SEPTIN9: variants seen among roughly 807,000 people sequenced by gnomAD.
SEPTIN9 encodes septin 9, also known as septin-9.
SEPTIN9 carries 13 observed loss-of-function variants against 56.6 expected under a neutral mutation model. The observed-to-expected ratio is 0.23, with a 90% CI of 0.15 to 0.37. The LOEUF is 0.37. SEPTIN9 is among the 10% of genes least tolerant of loss of function. The pLI is 1.00. For missense variants in SEPTIN9, 650 were observed against 823.1 expected (o/e 0.79, Z 2.57); for synonymous variants, 332 against 334.1 (o/e 0.99, Z 0.07).
chr17:77,460,781 G>T (rs2038436719), intron 3 of SEPTIN9, among the ~76,000 whole-genome samples: 1 of 152,176 alleles, frequency 6.6e-6, no homozygotes, highest in Non-Finnish European at 1.5e-5. Flanking sequence ...TCTTGCATCC[G>T]GGGAGTGGGG....
intron 7 of SEPTIN9, among the ~76,000 whole-genome samples, chr17:77,490,165 G>A (rs994947790): frequency 2.6e-5 from 4 of 152,188 alleles, no homozygotes; most frequent in African/African-American, 9.7e-5. Flanking sequence ...GTGTGTGACC[G>A]ATTTATTCTC....
rs992386162 is a variant in SEPTIN9 at position 77,317,003 on chromosome 17, A to C, written c.76+9806A>C. Among the ~76,000 whole-genome samples, 1 of 152,240 alleles carries C rather than the reference A, an allele frequency of 6.6e-6. No individual in the cohort carries two copies. Among genetic ancestry groups the C allele is most frequent in the African/African-American group, 2.4e-5 (1 of 41,462 alleles). On this transcript the variant is annotated intron_variant, in intron 2 of 11. Transcript: ENST00000427177. The surrounding 1 kb of genome is among the most constrained non-coding windows in gnomAD (Gnocchi z 4.2). ...AAAGGGATTAAAGAAACAAACCAAG[A>C]AACCTCTGCGATTCCTGCCCATCGG...
At chr17:77,419,414 G>A (rs551982171) in intron 3 of SEPTIN9, among the ~76,000 whole-genome samples, 5 of 151,582 alleles carry the variant, frequency 3.3e-5, no homozygotes, top group South Asian at 4.2e-4. Flanking sequence ...GACCCCTCCC[G>A]CTTCCCTAGG....
rs1173028040 is a variant in SEPTIN9 at position 77,429,313 on chromosome 17, T to G, written c.721+26610T>G. Reference sequence around the variant, plus strand: ...CCGTCAGCACGCAGGCCTCCTGCCCTCGCCACGACTGGCTCCTGCAGCCCA... The same window carrying G: ...CCGTCAGCACGCAGGCCTCCTGCCCGCGCCACGACTGGCTCCTGCAGCCCA... On this transcript the variant is annotated intron_variant, in intron 3 of 11. Transcript: ENST00000427177. This position sits in a 1 kb window ranked among gnomAD's most constrained non-coding sequence, Gnocchi z 5.2. 4.3e-6 allele frequency: 2 copies of G among 469,238 alleles called. No individual in the cohort carries two copies. Among genetic ancestry groups the G allele is most frequent in the South Asian group, 3.1e-5 (2 of 64,502 alleles). The allele number at this position is 469,238 out of a possible 1,614,324, so 29.1% of individuals were successfully genotyped here. A position where few individuals can be genotyped will look rare whatever the true frequency, so the allele number is the denominator to read the frequency against.
rs997626311 is a variant in SEPTIN9, at chr17:77,449,196, T to C, written c.722-32948T>C. On this transcript the variant is annotated intron_variant, in intron 3 of 11. Coordinates refer to ENST00000427177, the MANE Select transcript of SEPTIN9 (RefSeq NM_001113491.2). The surrounding 1 kb of genome is among the most constrained non-coding windows in gnomAD (Gnocchi z 4.6). ...GGGCCAGCCGAGAAGGCTCTGGGGCTGCTCTACCTGAATGCTGAGTGTGTG... is the reference window on the plus strand; with the variant it reads ...GGGCCAGCCGAGAAGGCTCTGGGGCCGCTCTACCTGAATGCTGAGTGTGTG... Among the ~76,000 whole-genome samples the C allele has an allele frequency of 2.6e-5, 4 of 152,206 alleles. No individual in the cohort carries two copies. Among genetic ancestry groups the C allele is most frequent in the Non-Finnish European group, 5.9e-5 (4 of 68,042 alleles).
At chr17:77,428,448 ACTTC>A (rs1311407749) in intron 3 of SEPTIN9, among the ~76,000 whole-genome samples, 1 of 152,218 alleles carries the variant, frequency 6.6e-6, no homozygotes, top group African/African-American at 2.4e-5. Context: ...GAGCCTTTCA[ACTTC>A]CTTATCCAGA....
intron 3 of SEPTIN9, among the ~76,000 whole-genome samples, chr17:77,426,313 C>G (rs932139741): frequency 9.2e-5 from 14 of 152,118 alleles, no homozygotes; most frequent in Admixed American, 9.2e-4. Context: ...GGAGTGCTGC[C>G]TGTGATGATG....
In SEPTIN9 at chr17:77,329,531, A is replaced by G. The variant is rs11867528; in HGVS notation, c.76+22334A>G. Reference sequence around the variant, plus strand: ...GGTTTGGATCCTGGGAAGGTTGGGTACCTGGCAGCCTCAAGGCAGGAGCTG... The same window carrying G: ...GGTTTGGATCCTGGGAAGGTTGGGTGCCTGGCAGCCTCAAGGCAGGAGCTG... On this transcript the variant is annotated intron_variant, in intron 2 of 11. Coordinates refer to ENST00000427177, the MANE Select transcript of SEPTIN9 (RefSeq NM_001113491.2). This position sits in a 1 kb window ranked among gnomAD's most constrained non-coding sequence, Gnocchi z 4.3. 0.67 allele frequency among the ~76,000 whole-genome samples: 101,358 copies of G among 151,974 alleles called. 34,110 individuals carry two copies. Among genetic ancestry groups the G allele is most frequent in the East Asian group, 0.79 (4,062 of 5,158 alleles).
intron 10 of SEPTIN9, among the ~76,000 whole-genome samples, chr17:77,493,803 C>T (rs533352407): frequency 7.2e-5 from 10 of 139,450 alleles, no homozygotes; most frequent in African/African-American, 1.4e-4. Flanking sequence ...GACGGAGTCT[C>T]GTTCTGTCAC....
chr17:77,300,090 C>G (rs2143559720), intron 1 of SEPTIN9, among the ~76,000 whole-genome samples: 1 of 152,316 alleles, frequency 6.6e-6, no homozygotes, highest in East Asian at 1.9e-4. Flanking sequence ...GACCTTGACA[C>G]AGGGTGCTGT....
chr17:77,342,987 A>ATCTG lies in SEPTIN9; in HGVS notation c.76+35806_76+35809dup, dbSNP rs1017118260. Among the ~76,000 whole-genome samples, 478 of 131,434 alleles carry ATCTG rather than the reference A, an allele frequency of 3.6e-3. 1 individual carries two copies. Among genetic ancestry groups the ATCTG allele is most frequent in the South Asian group, 0.013 (49 of 3,878 alleles). 86.2% of individuals were successfully genotyped at this position (131,434 alleles called of 152,430 possible). On this transcript the variant is annotated intron_variant, in intron 2 of 11. Coordinates refer to ENST00000427177, the MANE Select transcript of SEPTIN9 (RefSeq NM_001113491.2). The stretch of plus-strand genomic sequence containing the variant: ...GAGACTCTGTCTCAAAAATCAATGT[A>ATCTG]TCTGTCTGTCTGTCTGTCTATCTAT...
chr17:77,413,112 G>GTA (rs1689227667), intron 3 of SEPTIN9, among the ~76,000 whole-genome samples: 1 of 151,712 alleles, frequency 6.6e-6, no homozygotes, highest in African/African-American at 2.4e-5. Context: ...GTGTGTGTGT[G>GTA]TGTGTGTGTG....
chr17:77,467,039 G>C (rs2038767435), intron 3 of SEPTIN9, among the ~76,000 whole-genome samples: 1 of 152,202 alleles, frequency 6.6e-6, no homozygotes, highest in Admixed American at 6.5e-5. Context: ...CAGTTTGCCA[G>C]TTACTAAATC....
At position 77,437,748 on chromosome 17, in the gene SEPTIN9, G is replaced by C. The variant is rs139210085; in HGVS notation, c.721+35045G>C. Among the ~76,000 whole-genome samples, 332 of 152,312 alleles carry C rather than the reference G, an allele frequency of 2.2e-3. 1 individual carries two copies. The highest frequency in any genetic ancestry group is 7.7e-3 in the African/African-American group (320 of 41,564). Reference sequence around the variant, plus strand: ...GGCCTGGGAGAATCATCTGTCACGAGCCAAGGATGGAGTTTCTGGGGAGGA... The same window carrying C: ...GGCCTGGGAGAATCATCTGTCACGACCCAAGGATGGAGTTTCTGGGGAGGA... On this transcript the variant is annotated intron_variant, in intron 3 of 11. Coordinates refer to ENST00000427177, the MANE Select transcript of SEPTIN9 (RefSeq NM_001113491.2). This position sits in a 1 kb window ranked among gnomAD's most constrained non-coding sequence, Gnocchi z 5.3.
chr17:77,344,305 A>G (rs555274815), intron 2 of SEPTIN9, among the ~76,000 whole-genome samples: 39 of 152,338 alleles, frequency 2.6e-4, no homozygotes, highest in Admixed American at 1.3e-3. Context: ...AAGCCACAAT[A>G]AAATATGATT....
intron 2 of SEPTIN9, among the ~76,000 whole-genome samples, chr17:77,314,287 C>A (rs1161377688): frequency 3.3e-5 from 5 of 151,374 alleles, no homozygotes; most frequent in Admixed American, 3.3e-4. Context: ...AGTGATTCTC[C>A]TGCCTCAGCC....
At chr17:77,360,442 T>G (rs2034376992) in intron 2 of SEPTIN9, among the ~76,000 whole-genome samples, 1 of 152,276 alleles carries the variant, frequency 6.6e-6, no homozygotes, top group Non-Finnish European at 1.5e-5. Flanking sequence ...ATGTCCTGTT[T>G]GTAGCTTGAA....
chr17:77,392,634 G>A (rs1015609686), intron 2 of SEPTIN9, among the ~76,000 whole-genome samples: 2 of 152,142 alleles, frequency 1.3e-5, no homozygotes, highest in Non-Finnish European at 2.9e-5. Flanking sequence ...GCCTTGGGAA[G>A]GCAGAGGGGG....
chr17:77,399,859 T>C (rs991976547), intron 2 of SEPTIN9, among the ~76,000 whole-genome samples: 3 of 152,208 alleles, frequency 2.0e-5, no homozygotes, highest in Non-Finnish European at 2.9e-5. Context: ...CACCCCTGAC[T>C]CTGGGGCTCA....
Sources: allele counts gnomAD v4.1 joint callset (sites outside exome capture counted in the v4.1 genomes callset), GRCh38; gene constraint gnomAD v4.1.1; non-coding constraint Gnocchi (gnomAD v3.1); transcripts MANE v1.5; gene names NCBI Gene and HGNC (gene_info 2026-07-23, HGNC 2026-07-21).